RAP1GAP2: variants seen among roughly 807,000 people sequenced by gnomAD.
RAP1GAP2 encodes rap1 GTPase-activating protein 2.
A neutral mutation model predicts 95.0 loss-of-function variants in RAP1GAP2; 27 were observed. That is an observed-to-expected ratio of 0.28 (90% CI 0.21 to 0.39). RAP1GAP2 has a LOEUF of 0.39. RAP1GAP2 is among the 10% of genes least tolerant of loss of function. RAP1GAP2 has a pLI of 1.00. For missense variants in RAP1GAP2, 771 were observed against 970.0 expected (o/e 0.79, Z 2.72); for synonymous variants, 373 against 380.9 (o/e 0.98, Z 0.24).
chr17:2,962,650 T>C lies in RAP1GAP2; in HGVS notation c.202-20T>C, dbSNP rs1406304428. 1.3e-6 allele frequency: 2 copies of C among 1,571,196 alleles called. No individual in the cohort carries two copies. Among genetic ancestry groups the C allele is most frequent in the South Asian group, 2.3e-5 (2 of 85,632 alleles). On this transcript the variant is annotated intron_variant, in intron 4 of 24. Transcript: ENST00000254695. ...CTGACCTTTGCTTTTCTGTGGATCC[T>C]GTTTTCCTTGTTTCTATAGGGGATC... is the stretch of plus-strand genomic sequence containing the variant.
intron 2 of RAP1GAP2, among the ~76,000 whole-genome samples, chr17:2,891,814 C>CT (rs917540694): frequency 0.18 from 9,926 of 54,286 alleles, 2,564 homozygotes; most frequent in Non-Finnish European, 0.28. Flanking sequence ...TATTTCTTTT[C>CT]TTTTTTTTTT....
At chr17:2,811,013 C>T (rs544757465) in intron 2 of RAP1GAP2, among the ~76,000 whole-genome samples, 8 of 152,212 alleles carry the variant, frequency 5.3e-5, no homozygotes, top group Non-Finnish European at 8.8e-5. Context: ...CTGCATTGCT[C>T]GGTCCAGTCT....
intron 2 of RAP1GAP2, among the ~76,000 whole-genome samples, chr17:2,814,486 C>A (rs529189560): frequency 6.6e-6 from 1 of 152,290 alleles, no homozygotes; most frequent in South Asian, 2.1e-4. Context: ...CCTTCCCCAT[C>A]GGCATGGAAG....
At chr17:2,846,619 C>G (rs1180409427) in intron 2 of RAP1GAP2, among the ~76,000 whole-genome samples, 2 of 152,100 alleles carry the variant, frequency 1.3e-5, no homozygotes, top group African/African-American at 4.8e-5. Flanking sequence ...CATTGTCATG[C>G]AAGTCTTTGT....
chr17:2,842,017 A>G (rs575195021), intron 2 of RAP1GAP2, among the ~76,000 whole-genome samples: 1 of 152,290 alleles, frequency 6.6e-6, no homozygotes, highest in South Asian at 2.1e-4. Flanking sequence ...TCTACAGCTC[A>G]GGGTCTGAAA....
intron 10 of RAP1GAP2, among the ~76,000 whole-genome samples, chr17:2,982,920 T>C (rs1468200957): frequency 2.0e-5 from 3 of 152,214 alleles, no homozygotes; most frequent in Admixed American, 6.5e-5. Context: ...CATGTGTGTG[T>C]TTTTAAAATT....
upstream of RAP1GAP2, among the ~76,000 whole-genome samples, chr17:2,774,654 G>A (rs189612667): frequency 1.3e-3 from 203 of 150,946 alleles, 1 homozygote; most frequent in Non-Finnish European, 2.3e-3. Flanking sequence ...TGTATTTTTA[G>A]TAGAGATAGG....
At chr17:2,787,254 G>T (rs1485928381) in intron 1 of RAP1GAP2, among the ~76,000 whole-genome samples, 106 of 134,268 alleles carry the variant, frequency 7.9e-4, no homozygotes, top group African/African-American at 1.5e-3. Context: ...CCCAGCTTTG[G>T]TTTTTTTTTT....
rs2044542713 is a variant in RAP1GAP2 at position 2,965,329 on chromosome 17, G to A, written c.493-211G>A. 2 of 580,008 alleles carry A rather than the reference G, an allele frequency of 3.4e-6. No individual in the cohort carries two copies. Among genetic ancestry groups the A allele is most frequent in the South Asian group, 2.0e-5 (1 of 49,444 alleles). 35.9% of individuals were successfully genotyped at this position (580,008 alleles called of 1,614,324 possible). On this transcript the variant is annotated intron_variant, in intron 7 of 24. Transcript: ENST00000254695. This position sits in a 1 kb window ranked among gnomAD's most constrained non-coding sequence, Gnocchi z 4.7. ...GATACAGCTGTGGTCAGGACTGAAG[G>A]AGATAGTGGGTATTAAGCCCCTGGC...
intron 1 of RAP1GAP2, among the ~76,000 whole-genome samples, chr17:2,770,015 G>T (rs1345859132): frequency 4.7e-5 from 7 of 147,952 alleles, no homozygotes; most frequent in African/African-American, 1.8e-4. Context: ...GGAGGTTGCA[G>T]TGAGCCAAAA....
At chr17:2,960,571 C>T (rs1374926050) in intron 4 of RAP1GAP2, among the ~76,000 whole-genome samples, 5 of 152,220 alleles carry the variant, frequency 3.3e-5, no homozygotes, top group East Asian at 1.9e-4. Context: ...GGGTACGTCA[C>T]GCGCTTGGTG....
intron 1 of RAP1GAP2, among the ~76,000 whole-genome samples, chr17:2,777,872 G>T (rs1180700692): frequency 6.6e-6 from 1 of 152,102 alleles, no homozygotes; most frequent in Admixed American, 6.6e-5. Context: ...ATACGCCTCA[G>T]TTTCCCATGG....
At chr17:2,803,310 T>A (rs933967230) in intron 2 of RAP1GAP2, among the ~76,000 whole-genome samples, 5 of 152,146 alleles carry the variant, frequency 3.3e-5, no homozygotes, top group African/African-American at 1.2e-4. Context: ...TGGTTAAGAT[T>A]CCTTTGATTA....
chr17:2,931,713 A>G (rs1229985012), intron 3 of RAP1GAP2, among the ~76,000 whole-genome samples: 1 of 152,222 alleles, frequency 6.6e-6, no homozygotes, highest in Non-Finnish European at 1.5e-5. Context: ...GTAATCATTA[A>G]CTGGAAGATG....
rs536043712 is a variant in RAP1GAP2 at position 3,031,751 on chromosome 17, C to T, written c.2185-660C>T. Among the ~76,000 whole-genome samples the T allele has an allele frequency of 2.0e-5, 3 of 147,456 alleles. No homozygotes were observed. The South Asian group carries it at 6.7e-4, about 33-fold the overall frequency. ...TGGTTCCTGGGTCCCGAATCCCTTC[C>T]TGAGCTCACCAGACTATCGAGAGCT... is the stretch of plus-strand genomic sequence containing the variant. On this transcript the variant is annotated intron_variant, in intron 23 of 24. Transcript: ENST00000254695.
chr17:2,794,741 G>A (rs1399576752), upstream of RAP1GAP2, among the ~76,000 whole-genome samples: 1 of 152,166 alleles, frequency 6.6e-6, no homozygotes, highest in Non-Finnish European at 1.5e-5. Context: ...TCCACAAGCT[G>A]GGGTTGGCCC....
At position 3,005,699 on chromosome 17, in the gene RAP1GAP2, C is replaced by T. The variant is rs1226112068; in HGVS notation, c.1273-256C>T. On this transcript the variant is annotated intron_variant, in intron 15 of 24. Transcript: ENST00000254695. This position sits in a 1 kb window ranked among gnomAD's most constrained non-coding sequence, Gnocchi z 5.2. ...GAAAGACGGGCTTTTATGTTGAGCCCCGGTCAAGGAGCCTTGGGCAGGAAT... is the reference window on the plus strand; with the variant it reads ...GAAAGACGGGCTTTTATGTTGAGCCTCGGTCAAGGAGCCTTGGGCAGGAAT... 6.6e-6 allele frequency among the ~76,000 whole-genome samples: 1 copy of T among 152,126 alleles called. No homozygotes were observed. The highest frequency in any genetic ancestry group is 1.5e-5 in the Non-Finnish European group (1 of 68,018).
intron 18 of RAP1GAP2, 138 bp from the exon 19 acceptor site, chr17:3,020,339 C>T: frequency 1.5e-6 from 1 of 685,864 alleles, no homozygotes; most frequent in South Asian, 1.8e-5. Flanking sequence ...TTACATAGAT[C>T]TCAACCTTCC....
intron 3 of RAP1GAP2, among the ~76,000 whole-genome samples, chr17:2,952,094 C>T (rs1181113636): frequency 1.3e-5 from 2 of 151,464 alleles, no homozygotes; most frequent in Non-Finnish European, 2.9e-5. Context: ...ATCATCTGTA[C>T]CTTCAGCCTC....
Sources: gnomAD v4.1 joint callset for allele counts (sites outside exome capture counted in the v4.1 genomes callset) on GRCh38, gnomAD v4.1.1 for gene constraint, Gnocchi (gnomAD v3.1) non-coding constraint, MANE v1.5 for transcripts, NCBI Gene and HGNC (gene_info 2026-07-23, HGNC 2026-07-21) for gene names.